Variants in RALYL observed in about 807,000 individuals in gnomAD.
The protein encoded by RALYL is RALY RNA binding protein like.
RALYL carries 29 observed loss-of-function variants against 35.1 expected under a neutral mutation model. That is an observed-to-expected ratio of 0.83 (90% confidence interval 0.61 to 1.13). The LOEUF is 1.13. Ranked by LOEUF, RALYL falls within the 50% of genes most tolerant of loss-of-function variation. The probability of loss-of-function intolerance (pLI) is 0.00; values close to 1 mark genes in which losing one functional copy is unlikely to be tolerated. For synonymous variants in RALYL, 120 were observed against 127.6 expected (o/e 0.94, Z 0.40); for missense variants, 359 against 360.4 (o/e 1.00, Z 0.03).
chr8:84,773,792 GA>G (rs1386544783), intron 2 of RALYL, among the ~76,000 whole-genome samples: 2 of 152,096 alleles, frequency 1.3e-5, no homozygotes, highest in African/African-American at 4.8e-5. Flanking sequence ...TATATAAATG[GA>G]AAATATATCA....
intron 4 of RALYL, among the ~76,000 whole-genome samples, chr8:84,806,934 CCA>C (rs2134039449): frequency 6.6e-6 from 1 of 152,168 alleles, no homozygotes; most frequent in African/African-American, 2.4e-5. Flanking sequence ...TCATTTGAGC[CCA>C]GCAGGTCCGG....
intron 2 of RALYL, among the ~76,000 whole-genome samples, chr8:84,592,731 G>A (rs1479340259): frequency 6.6e-6 from 1 of 152,058 alleles, no homozygotes; most frequent in Non-Finnish European, 1.5e-5. Flanking sequence ...AGAAGACTGG[G>A]TTTATAAGCA....
intron 1 of RALYL, among the ~76,000 whole-genome samples, chr8:84,443,582 C>G (rs1307617975): frequency 6.6e-6 from 1 of 152,062 alleles, no homozygotes; most frequent in Non-Finnish European, 1.5e-5. Flanking sequence ...AACATTTAGT[C>G]CCTTGCTTGG....
chr8:84,701,585 G>T (rs947200520), intron 2 of RALYL, among the ~76,000 whole-genome samples: 1 of 152,120 alleles, frequency 6.6e-6, no homozygotes, highest in Admixed American at 6.6e-5. Flanking sequence ...CGATACATTT[G>T]ATCTTCTGGA....
rs561271808 is a variant in RALYL at position 84,327,341 on chromosome 8, A to C, written c.-24+142917A>C. Among the ~76,000 whole-genome samples the C allele has an allele frequency of 3.9e-4, 60 of 152,266 alleles. 1 individual carries two copies. The highest frequency in any genetic ancestry group is 5.9e-4 in the Non-Finnish European group (40 of 68,010). ...AACAAGCTCTATTATGGAATGGCACAATCTAGAGAACAGGCACAATTCCAC... is the reference window on the plus strand; with the variant it reads ...AACAAGCTCTATTATGGAATGGCACCATCTAGAGAACAGGCACAATTCCAC... On this transcript the variant is annotated intron_variant, in intron 1 of 8. Coordinates refer to ENST00000521268, the MANE Select transcript of RALYL (RefSeq NM_173848.7).
chr8:84,440,472 G>T (rs559523540), intron 1 of RALYL, among the ~76,000 whole-genome samples: 1 of 152,016 alleles, frequency 6.6e-6, no homozygotes, highest in Admixed American at 6.6e-5. Context: ...ATAAGATGCA[G>T]GTACATAGAA....
At chr8:84,764,407 A>G (rs899993579) in intron 2 of RALYL, among the ~76,000 whole-genome samples, 2 of 152,316 alleles carry the variant, frequency 1.3e-5, no homozygotes, top group East Asian at 3.9e-4. Context: ...TCCTAATATA[A>G]CCTTTGAATG....
At chr8:84,875,673 T>C (rs1416856191) in intron 7 of RALYL, among the ~76,000 whole-genome samples, 1 of 152,138 alleles carries the variant, frequency 6.6e-6, no homozygotes, top group African/African-American at 2.4e-5. Flanking sequence ...TTTTATATAT[T>C]TTACTATATT....
At chr8:84,756,619 T>C (rs1388551190) in intron 2 of RALYL, among the ~76,000 whole-genome samples, 6 of 152,110 alleles carry the variant, frequency 3.9e-5, no homozygotes, top group Non-Finnish European at 5.9e-5. Context: ...TTATACAACG[T>C]CACCTGCTGA....
At chr8:84,218,063 A>C (rs1821261066) in intron 1 of RALYL, among the ~76,000 whole-genome samples, 1 of 152,052 alleles carries the variant, frequency 6.6e-6, no homozygotes, top group Non-Finnish European at 1.5e-5. Context: ...TTCTGAAAAA[A>C]TATAAAGTCT....
At chr8:84,416,610 C>T (rs953433699) in intron 1 of RALYL, among the ~76,000 whole-genome samples, 2 of 151,916 alleles carry the variant, frequency 1.3e-5, no homozygotes, top group South Asian at 2.1e-4. Flanking sequence ...TTTACCTTTG[C>T]AGAAATAATA....
chr8:84,395,780 T>C (rs962986609), intron 1 of RALYL, among the ~76,000 whole-genome samples: 1 of 151,868 alleles, frequency 6.6e-6, no homozygotes, highest in Non-Finnish European at 1.5e-5. Context: ...AAATAATCTT[T>C]GGTAAAATCT....
At chr8:84,617,900 G>A (rs1820208682) in intron 2 of RALYL, among the ~76,000 whole-genome samples, 1 of 151,766 alleles carries the variant, frequency 6.6e-6, no homozygotes, top group Non-Finnish European at 1.5e-5. Flanking sequence ...TACATTTATT[G>A]ATTTGCGTAT....
chr8:84,255,639 A>G (rs1242211213), intron 1 of RALYL, among the ~76,000 whole-genome samples: 7 of 152,048 alleles, frequency 4.6e-5, no homozygotes, highest in Non-Finnish European at 4.4e-5. Flanking sequence ...TTTCACGGAG[A>G]AACTGTGCCC....
chr8:84,204,503 C>T (rs1817628623), intron 1 of RALYL, among the ~76,000 whole-genome samples: 1 of 152,112 alleles, frequency 6.6e-6, no homozygotes, highest in African/African-American at 2.4e-5. Flanking sequence ...CTGGTTCTAC[C>T]AGTATGCTTT....
At chr8:84,779,063 A>T (rs1817505199) in intron 3 of RALYL, among the ~76,000 whole-genome samples, 1 of 152,230 alleles carries the variant, frequency 6.6e-6, no homozygotes, top group Non-Finnish European at 1.5e-5. Flanking sequence ...TCATTTGTGA[A>T]CATTTCATAA....
chr8:84,864,589 A>C, intron 6 of RALYL: 1 of 234,530 alleles, frequency 4.3e-6, no homozygotes, highest in Non-Finnish European at 8.4e-6. Flanking sequence ...TAAAAGATTT[A>C]TCCTAAGGAT....
intron 2 of RALYL, among the ~76,000 whole-genome samples, chr8:84,645,903 G>A (rs907599652): frequency 6.6e-6 from 1 of 151,994 alleles, no homozygotes; most frequent in African/African-American, 2.4e-5. Context: ...TGGAGACCCT[G>A]AGGATACTTT....
intron 1 of RALYL, among the ~76,000 whole-genome samples, chr8:84,216,252 T>C (rs1255484119): frequency 6.6e-6 from 1 of 151,610 alleles, no homozygotes; most frequent in Non-Finnish European, 1.5e-5. Flanking sequence ...AATTATACAC[T>C]AAAATTTTGA....
Sources: allele counts gnomAD v4.1 joint callset (sites outside exome capture counted in the v4.1 genomes callset), GRCh38; gene constraint gnomAD v4.1.1; transcripts MANE v1.5; gene names NCBI Gene and HGNC (gene_info 2026-07-23, HGNC 2026-07-21).